Variants in NFIA observed in about 807,000 individuals in gnomAD.
NFIA encodes nuclear factor 1 A-type.
Under a neutral mutation model 62.8 loss-of-function variants are expected in NFIA, and 8 were observed. The observed-to-expected ratio is 0.13, with a 90% CI of 0.07 to 0.23. The LOEUF (loss-of-function observed/expected upper bound fraction) is 0.23. Among genes scored for constraint, NFIA ranks in the 10% least tolerant of loss-of-function variants. NFIA has a pLI of 1.00. For synonymous variants in NFIA, 235 were observed against 238.1 expected (o/e 0.99, Z 0.12); for missense variants, 410 against 642.1 (o/e 0.64, Z 3.91).
intron 2 of NFIA, among the ~76,000 whole-genome samples, chr1:61,150,254 T>C (rs2100519608): frequency 6.6e-6 from 1 of 152,240 alleles, no homozygotes; most frequent in African/African-American, 2.4e-5. Context: ...GTGTCGCATG[T>C]CCCCCCATTG....
intron 2 of NFIA, among the ~76,000 whole-genome samples, chr1:61,244,251 G>A (rs1570441710): frequency 6.6e-6 from 1 of 152,142 alleles, no homozygotes; most frequent in East Asian, 1.9e-4. Flanking sequence ...GTGGTGTTTT[G>A]TGGCTTGGCA....
intron 4 of NFIA, among the ~76,000 whole-genome samples, chr1:61,340,220 A>C (rs1461114519): frequency 6.6e-6 from 1 of 152,170 alleles, no homozygotes; most frequent in East Asian, 1.9e-4. Flanking sequence ...CCCTTGATGT[A>C]CATACTAATG....
At chr1:61,355,371 A>G (rs550500408) in intron 5 of NFIA, among the ~76,000 whole-genome samples, 1 of 152,242 alleles carries the variant, frequency 6.6e-6, no homozygotes, top group Admixed American at 6.5e-5. Context: ...TAAGTTCTGT[A>G]CCCCTTCAGG....
intron 2 of NFIA, among the ~76,000 whole-genome samples, chr1:61,219,606 T>C (rs1557644274): frequency 6.7e-6 from 1 of 149,288 alleles, no homozygotes; most frequent in Admixed American, 6.7e-5. Flanking sequence ...CTCAGCTATT[T>C]GGGAGGCTGA....
At chr1:61,171,539 G>T (rs1180987373) in intron 2 of NFIA, among the ~76,000 whole-genome samples, 1 of 152,134 alleles carries the variant, frequency 6.6e-6, no homozygotes, top group African/African-American at 2.4e-5. Flanking sequence ...CCTCATCTTT[G>T]TTAAAACATT....
chr1:61,304,991 A>T, intron 3 of NFIA, among the ~76,000 whole-genome samples: 1 of 152,226 alleles, frequency 6.6e-6, no homozygotes, highest in East Asian at 1.9e-4. Flanking sequence ...TCACAATGAA[A>T]TGTAAGTAGA....
intron 5 of NFIA, among the ~76,000 whole-genome samples, chr1:61,355,571 C>A (rs919545144): frequency 1.3e-5 from 2 of 149,458 alleles, no homozygotes; most frequent in Admixed American, 1.3e-4. Flanking sequence ...TTTCCATGCT[C>A]CCTCCAGATG....
intron 7 of NFIA, 149 bp downstream of exon 7, chr1:61,383,514 T>G: frequency 9.6e-7 from 1 of 1,037,986 alleles, no homozygotes; most frequent in Non-Finnish European, 1.3e-6. Flanking sequence ...CCTTGGAATT[T>G]TAGAGACCAA....
At chr1:61,355,074 A>G (rs1013197910) in intron 5 of NFIA, among the ~76,000 whole-genome samples, 1 of 152,220 alleles carries the variant, frequency 6.6e-6, no homozygotes, top group African/African-American at 2.4e-5. Flanking sequence ...GTAATTACAC[A>G]GAGTAGGAAT....
At chr1:61,240,974 T>G (rs531549298) in intron 2 of NFIA, among the ~76,000 whole-genome samples, 41 of 151,894 alleles carry the variant, frequency 2.7e-4, no homozygotes, top group Admixed American at 1.8e-3. Flanking sequence ...GGGTTTGTTT[T>G]TTTTTTTTTA....
At chr1:61,228,430 A>AT (rs1373599434) in intron 2 of NFIA, among the ~76,000 whole-genome samples, 1 of 152,198 alleles carries the variant, frequency 6.6e-6, no homozygotes, top group Non-Finnish European at 1.5e-5. Context: ...CCATCTGTGC[A>AT]TCCTTGGCTT....
rs148963275 is a variant in NFIA at position 61,334,902 on chromosome 1, C to T, written c.700+2316C>T. Among the ~76,000 whole-genome samples the T allele has an allele frequency of 2.1e-3, 325 of 152,080 alleles. 2 individuals are homozygous for T. The highest frequency in any genetic ancestry group is 7.5e-3 in the African/African-American group (310 of 41,474). ...GTCTTTCCTTTTAAGGTCTTATATC[C>T]CAAAGCTTATCAGTTCCAAGTTTGA... On this transcript the variant is annotated intron_variant, in intron 4 of 10. Coordinates refer to ENST00000403491, the MANE Select transcript of NFIA (RefSeq NM_001134673.4).
At chr1:61,197,234 C>CTTTTTTTTT (rs1002158986) in intron 2 of NFIA, among the ~76,000 whole-genome samples, 4 of 93,388 alleles carry the variant, frequency 4.3e-5, no homozygotes, top group Non-Finnish European at 6.1e-5. Flanking sequence ...TACTCTGGTT[C>CTTTTTTTTT]TTTTTTTTTT....
intron 6 of NFIA, among the ~76,000 whole-genome samples, chr1:61,376,548 C>CT (rs979210179): frequency 3.0e-4 from 46 of 152,254 alleles, no homozygotes; most frequent in South Asian, 8.3e-4. Flanking sequence ...CTGATCCTTA[C>CT]TAAGGCCAAG....
At chr1:61,415,738 T>A (rs1000943276) in intron 9 of NFIA, among the ~76,000 whole-genome samples, 7 of 152,162 alleles carry the variant, frequency 4.6e-5, no homozygotes, top group Admixed American at 4.6e-4. Flanking sequence ...TTTTAGTTTT[T>A]TATATATATA....
chr1:61,150,912 G>T (rs527681096), intron 2 of NFIA, among the ~76,000 whole-genome samples: 5 of 152,158 alleles, frequency 3.3e-5, no homozygotes, highest in Admixed American at 2.6e-4. Context: ...GGAGCAATTC[G>T]GAAGTGGAGA....
intron 7 of NFIA, among the ~76,000 whole-genome samples, chr1:61,391,435 AACACACACACACACACACACACACACAC>A (rs60938787): frequency 4.0e-5 from 5 of 124,678 alleles, no homozygotes; most frequent in Middle Eastern, 3.9e-3. Context: ...TTATGAATCA[AACACACACACACACACACACACACACAC>A]ACACACACAC....
At chr1:61,199,290 G>A (rs150677493) in intron 2 of NFIA, among the ~76,000 whole-genome samples, 23 of 152,250 alleles carry the variant, frequency 1.5e-4, no homozygotes, top group African/African-American at 4.8e-4. Flanking sequence ...AGGTCCCTTC[G>A]TGCAAAGCAA....
At chr1:61,165,311 A>G (rs562226580) in intron 2 of NFIA, among the ~76,000 whole-genome samples, 3 of 152,286 alleles carry the variant, frequency 2.0e-5, no homozygotes, top group Non-Finnish European at 2.9e-5. Context: ...ATTAGAAAGA[A>G]ATCTCTTTTT....
Sources: gnomAD v4.1 joint callset for allele counts (sites outside exome capture counted in the v4.1 genomes callset) on GRCh38, gnomAD v4.1.1 for gene constraint, MANE v1.5 for transcripts, NCBI Gene and HGNC (gene_info 2026-07-23, HGNC 2026-07-21) for gene names.